Variants in DOCK3 observed in about 807,000 individuals in gnomAD.
DOCK3 encodes the protein dedicator of cytokinesis protein 3.
Under a neutral mutation model 265.6 loss-of-function variants are expected in DOCK3, and 60 were observed. The ratio of observed to expected loss-of-function variants is 0.23; its 90% CI spans 0.18 to 0.28. DOCK3 has a LOEUF of 0.28. DOCK3 is among the 10% of genes least tolerant of loss of function. The pLI, the probability that DOCK3 is intolerant of heterozygous loss-of-function variation, is 1.00. For synonymous variants in DOCK3, 881 were observed against 938.0 expected (o/e 0.94, Z 1.11); for missense variants, 1,981 against 2,594.3 (o/e 0.76, Z 5.14).
intron 7 of DOCK3, among the ~76,000 whole-genome samples, chr3:51,079,759 C>A (rs1438750630): frequency 6.6e-6 from 1 of 152,070 alleles, no homozygotes; most frequent in Non-Finnish European, 1.5e-5. Context: ...ATTGGTGCTG[C>A]GAAAATATAA....
intron 2 of DOCK3, among the ~76,000 whole-genome samples, chr3:50,811,390 T>C (rs955942893): frequency 4.0e-5 from 6 of 149,974 alleles, no homozygotes; most frequent in Admixed American, 3.3e-4. Context: ...TGTGACAGAA[T>C]GAGAACCTGT....
chr3:51,030,579 G>T (rs998599705), intron 5 of DOCK3, among the ~76,000 whole-genome samples: 1 of 152,052 alleles, frequency 6.6e-6, no homozygotes, highest in South Asian at 2.1e-4. Context: ...TCAAGTTCTG[G>T]ATCCAATTTT....
At chr3:50,683,618 T>C (rs774171964) in intron 1 of DOCK3, among the ~76,000 whole-genome samples, 12 of 152,200 alleles carry the variant, frequency 7.9e-5, no homozygotes, top group Non-Finnish European at 1.5e-4. Flanking sequence ...TAGCCTTAGT[T>C]CATGGCTATG....
intron 4 of DOCK3, among the ~76,000 whole-genome samples, chr3:50,894,130 T>C (rs963877028): frequency 6.6e-6 from 1 of 151,612 alleles, no homozygotes; most frequent in Non-Finnish European, 1.5e-5. Context: ...AAAGTATAAT[T>C]AAAAAAACAG....
chr3:51,374,451 G>T lies in DOCK3; in HGVS notation c.5294-18G>T. 1 of 1,605,028 alleles carries T rather than the reference G, an allele frequency of 6.2e-7. No individual in the cohort carries two copies. Among genetic ancestry groups the T allele is most frequent in the Non-Finnish European group, 8.5e-7 (1 of 1,175,632 alleles). On this transcript the variant is annotated intron_variant, in intron 49 of 52. Transcript: ENST00000266037. The surrounding 1 kb of genome is among the most constrained non-coding windows in gnomAD (Gnocchi z 4.8). ...TGTGGCTTGTCATCTGTGCTTGATT[G>T]TTCTCACTTGGTTACAGGCTCTCCC...
At chr3:50,682,679 C>CG (rs2034494820) in intron 1 of DOCK3, among the ~76,000 whole-genome samples, 1 of 152,204 alleles carries the variant, frequency 6.6e-6, no homozygotes. Flanking sequence ...TGGCTTATGT[C>CG]GGTATTCCCA....
In DOCK3 at chr3:50,935,060, C is replaced by A. The variant is rs9821821; in HGVS notation, c.315+983C>A. Among the ~76,000 whole-genome samples, 424 of 152,134 alleles carry A rather than the reference C, an allele frequency of 2.8e-3. 3 individuals carry two copies. The highest frequency in any genetic ancestry group is 9.8e-3 in the African/African-American group (406 of 41,502). ...TCTCTCTTTTTTTCTCCTTTCTGTACCTTCATATATCCTGACCTGGTCTCT... is the reference window on the plus strand; with the variant it reads ...TCTCTCTTTTTTTCTCCTTTCTGTAACTTCATATATCCTGACCTGGTCTCT... On this transcript the variant is annotated intron_variant, in intron 5 of 52. Coordinates refer to ENST00000266037, the MANE Select transcript of DOCK3 (RefSeq NM_004947.5).
chr3:51,115,215 G>A (rs757953132), intron 9 of DOCK3, among the ~76,000 whole-genome samples: 3 of 152,106 alleles, frequency 2.0e-5, no homozygotes, highest in Non-Finnish European at 2.9e-5. Context: ...CTGAGGAATC[G>A]CCACACTGTT....
At chr3:51,169,451 G>A (rs974709888) in intron 12 of DOCK3, among the ~76,000 whole-genome samples, 1 of 152,098 alleles carries the variant, frequency 6.6e-6, no homozygotes, top group African/African-American at 2.4e-5. Flanking sequence ...GTGGGTGGAG[G>A]TGGAGGCCAT....
intron 1 of DOCK3, among the ~76,000 whole-genome samples, chr3:50,767,827 T>C (rs2040997426): frequency 6.6e-6 from 1 of 152,148 alleles, no homozygotes; most frequent in Non-Finnish European, 1.5e-5. Context: ...CTTGAAGAGG[T>C]CCTTCACATC....
intron 1 of DOCK3, among the ~76,000 whole-genome samples, chr3:50,680,846 G>A (rs1340425365): frequency 6.6e-6 from 1 of 151,978 alleles, no homozygotes; most frequent in Non-Finnish European, 1.5e-5. Context: ...TTGCTGCTGA[G>A]TTCCTTGTAT....
chr3:51,142,629 G>C (rs2085114893), intron 9 of DOCK3, among the ~76,000 whole-genome samples: 1 of 152,010 alleles, frequency 6.6e-6, no homozygotes, highest in Non-Finnish European at 1.5e-5. Context: ...TTATCCCCCT[G>C]ATGGATATTT....
At chr3:50,727,173 C>G (rs947739765) in intron 1 of DOCK3, among the ~76,000 whole-genome samples, 2 of 152,116 alleles carry the variant, frequency 1.3e-5, no homozygotes, top group African/African-American at 4.8e-5. Context: ...ATTGAATAAC[C>G]ATTTAAGAGA....
chr3:50,740,073 T>C (rs1331333186), intron 1 of DOCK3, among the ~76,000 whole-genome samples: 1 of 152,186 alleles, frequency 6.6e-6, no homozygotes, highest in Non-Finnish European at 1.5e-5. Flanking sequence ...TCACTGTATA[T>C]TACTTTGCAT....
At chr3:50,854,060 A>G (rs2046462315) in intron 3 of DOCK3, among the ~76,000 whole-genome samples, 2 of 151,974 alleles carry the variant, frequency 1.3e-5, no homozygotes, top group Non-Finnish European at 2.9e-5. Context: ...TTCCCTGATG[A>G]ATAGTTACAT....
intron 1 of DOCK3, among the ~76,000 whole-genome samples, chr3:50,724,811 T>G (rs973110563): frequency 3.3e-5 from 5 of 152,080 alleles, no homozygotes; most frequent in Non-Finnish European, 5.9e-5. Flanking sequence ...GTTGTGCACA[T>G]GTACCCCAGA....
intron 3 of DOCK3, among the ~76,000 whole-genome samples, chr3:50,871,045 G>C (rs927811400): frequency 2.0e-5 from 3 of 152,026 alleles, no homozygotes; most frequent in Non-Finnish European, 2.9e-5. Context: ...ACACACTGCA[G>C]TTACAGTTTT....
chr3:51,345,296 C>G (rs1481879796), intron 38 of DOCK3, among the ~76,000 whole-genome samples: 1 of 152,114 alleles, frequency 6.6e-6, no homozygotes, highest in Admixed American at 6.5e-5. Context: ...TATATTAAAG[C>G]AAGGAGTCAG....
intron 1 of DOCK3, among the ~76,000 whole-genome samples, chr3:50,728,349 T>A (rs1008848877): frequency 6.6e-6 from 1 of 152,094 alleles, no homozygotes; most frequent in Non-Finnish European, 1.5e-5. Flanking sequence ...TAAATACTTA[T>A]GTTAGAAGGA....
Sources: allele counts gnomAD v4.1 joint callset (sites outside exome capture counted in the v4.1 genomes callset), GRCh38; gene constraint gnomAD v4.1.1; non-coding constraint Gnocchi (gnomAD v3.1); transcripts MANE v1.5; gene names NCBI Gene and HGNC (gene_info 2026-07-23, HGNC 2026-07-21).